RPL30: variants seen among roughly 807,000 people sequenced by gnomAD.
RPL30 encodes ribosomal protein L30.
For synonymous variants in RPL30, 40 were observed against 50.4 expected (o/e 0.79, Z 0.87); for missense variants, 60 against 138.0 (o/e 0.43, Z 2.83).
At chr8:98,042,608 CAA>C (rs3073528) in intron 4 of RPL30, 35 bp downstream of exon 4, 341 of 1,456,182 alleles carry the variant, frequency 2.3e-4, no homozygotes, top group East Asian at 8.9e-4. Flanking sequence ...ATTAGAAAGG[CAA>C]AAAAAAAAAA....
chr8:98,045,294 C>T, intron 2 of RPL30, 53 bp downstream of exon 2: 6 of 1,613,438 alleles, frequency 3.7e-6, no homozygotes, highest in Non-Finnish European at 5.1e-6. Flanking sequence ...CCCGCCCTGG[C>T]CAAGACATCT....
chr8:98,044,846 T>A (rs1814447275), intron 3 of RPL30, 97 bp downstream of exon 3: 14 of 1,314,438 alleles, frequency 1.1e-5, no homozygotes, highest in Non-Finnish European at 1.5e-5. Flanking sequence ...CCTGCAAGTG[T>A]TCGAGTTCAT....
chr8:98,045,168 A>G (rs1398518979), intron 2 of RPL30, 80 bp from the exon 3 acceptor site: 1 of 1,570,592 alleles, frequency 6.4e-7, no homozygotes, highest in Non-Finnish European at 8.7e-7. Flanking sequence ...TTTGAAGCCG[A>G]GCCCCTTAAA....
At chr8:98,045,228 T>G in intron 2 of RPL30, 119 bp downstream of exon 2, 3 of 1,549,634 alleles carry the variant, frequency 1.9e-6, no homozygotes, top group Non-Finnish European at 2.7e-6. Context: ...TGGGATTCCT[T>G]CTGGGGCCCT....
At chr8:98,044,697 C>T in intron 3 of RPL30, 2 of 471,306 alleles carry the variant, frequency 4.2e-6, no homozygotes, top group Non-Finnish European at 7.5e-6. Context: ...CATTAAACCT[C>T]GATGTTCTGT....
intron 2 of RPL30, 45 bp from the exon 3 acceptor site, chr8:98,045,133 A>G (rs2124085): frequency 1.9e-6 from 3 of 1,593,816 alleles, no homozygotes; most frequent in Non-Finnish European, 1.7e-6. Context: ...CTCGCCTGCA[A>G]CCGCCTCAAA....
At chr8:98,042,163 G>C (rs1207857850) in intron 4 of RPL30, 2 of 588,350 alleles carry the variant, frequency 3.4e-6, no homozygotes, top group Admixed American at 3.7e-5. Context: ...TTAATATAGC[G>C]AATGTTTAGC....
chr8:98,045,433 G>C (rs951900660), intron 1 of RPL30, 34 bp from the exon 2 acceptor site: 8 of 1,603,742 alleles, frequency 5.0e-6, no homozygotes, highest in Non-Finnish European at 6.8e-6. Flanking sequence ...AGGAATTTTA[G>C]GATCCGGAGT....
chr8:98,041,887 T>C, intron 4 of RPL30, 37 bp from the exon 5 acceptor site: 1 of 1,391,794 alleles, frequency 7.2e-7, no homozygotes, highest in Non-Finnish European at 1.0e-6. Context: ...AATTTTACAA[T>C]TCATTTAATA....
chr8:98,043,000 C>T (rs1586186350), intron 3 of RPL30: 1 of 428,250 alleles, frequency 2.3e-6, no homozygotes, highest in Non-Finnish European at 4.2e-6. Flanking sequence ...TCAACCCCTA[C>T]TATGTTTAAG....
chr8:98,043,431 C>CTTTTTTTTT (rs533167121), intron 3 of RPL30: 2 of 138,628 alleles, frequency 1.4e-5, no homozygotes, highest in Non-Finnish European at 1.5e-5. Flanking sequence ...CAGCCCTATT[C>CTTTTTTTTT]TTTTTTTTTT....
chr8:98,045,109 A>G (rs758469545), intron 2 of RPL30, 21 bp from the exon 3 acceptor site: 1 of 1,611,444 alleles, frequency 6.2e-7, no homozygotes, highest in Non-Finnish European at 8.5e-7. Context: ...AACATTAAAT[A>G]CGGACCTAAG....
In RPL30 at chr8:98,041,811, C is replaced by G. The variant is rs1306870093; in HGVS notation, c.338G>C (p.Gly113Ala). The G allele has an allele frequency of 6.2e-7, 1 of 1,600,764 alleles. No individual in the cohort carries two copies. Among genetic ancestry groups the G allele is most frequent in the African/African-American group, 1.3e-5 (1 of 74,316 alleles). ...TGTAGGTGAAAAGGTTTACTTTTCA[C>G]CAGTCTGTTCTGGCATGCTTCTAAT... The part of the protein sequence containing the change: ...DIIRSMPEQT[G>A]EK The change falls in exon 5 of 5, where the codon GGT (glycine) becomes GCT (alanine). Residue 113 changes from glycine to alanine, a missense_variant. Gly to Ala is a moderately conservative substitution (Grantham distance 60). Transcript: ENST00000287038.
In RPL30 at chr8:98,045,516, G is replaced by C. The variant is rs961791524; in HGVS notation, c.-41C>G. The C allele has an allele frequency of 4.6e-5, 34 of 743,098 alleles. No homozygotes were observed. The Middle Eastern group carries it at 1.9e-3, about 42-fold the overall frequency. The allele number at this position is 743,098 out of a possible 1,614,324, so 46.0% of individuals were successfully genotyped here. Reference sequence around the variant, plus strand: ...GGTAGGAGCCCACTCACCAACAGCAGCCGCTAAGATGGCCGGGGAACGAGA... The same window carrying C: ...GGTAGGAGCCCACTCACCAACAGCACCCGCTAAGATGGCCGGGGAACGAGA... On this transcript the variant is annotated 5_prime_UTR_variant, in exon 1 of 5. Coordinates refer to ENST00000287038, the MANE Select transcript of RPL30 (RefSeq NM_000989.4).
At chr8:98,043,431 C>CTT (rs533167121) in intron 3 of RPL30, 21,288 of 138,502 alleles carry the variant, frequency 0.15, 1,971 homozygotes, top group African/African-American at 0.23. Context: ...CAGCCCTATT[C>CTT]TTTTTTTTTT....
At chr8:98,042,255 A>G in intron 4 of RPL30, 1 of 514,944 alleles carries the variant, frequency 1.9e-6, no homozygotes, top group South Asian at 1.5e-5. Flanking sequence ...GGAAAACAGA[A>G]TGATGTAGAT....
At chr8:98,041,872 A>C (rs1340259951) in intron 4 of RPL30, 22 bp from the exon 5 acceptor site, 6 of 1,538,366 alleles carry the variant, frequency 3.9e-6, no homozygotes, top group South Asian at 2.3e-5. Context: ...AAATAAAAAA[A>C]CAGTAATTTT....
chr8:98,043,036 G>A (rs142544092), intron 3 of RPL30: 22 of 278,726 alleles, frequency 7.9e-5, no homozygotes, highest in African/African-American at 4.6e-4. Context: ...ACGGAAGAGG[G>A]TAAGATGCAA....
In RPL30 at chr8:98,045,410, C is replaced by G. The variant is rs369869528; in HGVS notation, c.-32-11G>C. 1.6e-5 allele frequency: 26 copies of G among 1,613,286 alleles called. No individual in the cohort carries two copies. Among genetic ancestry groups the G allele is most frequent in the East Asian group, 2.2e-5 (1 of 44,888 alleles). On this transcript the variant is annotated splice_polypyrimidine_tract_variant and intron_variant, in intron 1 of 4. Transcript: ENST00000287038. ...GGGACGGCCCCCAACCTAGAAGAGA[C>G]AGAGAACAGGACAGGAATTTTAGGA...
Sources: gnomAD v4.1 joint callset for allele counts on GRCh38, gnomAD v4.1.1 for gene constraint, MANE v1.5 for transcripts, NCBI Gene and HGNC (gene_info 2026-07-23, HGNC 2026-07-21) for gene names.